The following PCDHGB3 variants were observed in gnomAD, a reference collection of about 807,000 sequenced individuals.
PCDHGB3 encodes protocadherin gamma-B3.
A neutral mutation model predicts 59.2 loss-of-function variants in PCDHGB3; 40 were observed. That is an observed-to-expected ratio of 0.68 (90% CI 0.52 to 0.88). The LOEUF (loss-of-function observed/expected upper bound fraction) is 0.88. PCDHGB3 is among the 40% of genes least tolerant of loss of function. The pLI is 0.00. For missense variants in PCDHGB3, 1,309 were observed against 1,187.9 expected, an observed-to-expected ratio of 1.10 and a Z score of -1.50; for synonymous variants, 581 against 503.6, an observed-to-expected ratio of 1.15 and a Z score of -2.06.
intron 2 of PCDHGB3, among the ~76,000 whole-genome samples, chr5:141,502,124 A>G (rs4912762): frequency 0.55 from 83,213 of 152,012 alleles, 23,486 homozygotes; most frequent in African/African-American, 0.67. Flanking sequence ...CCAGGCCCAC[A>G]GAGCTCAGTC....
At chr5:141,374,238 T>C (rs1770300892) in intron 1 of PCDHGB3, 2 of 1,614,016 alleles carry the variant, frequency 1.2e-6, no homozygotes, top group African/African-American at 1.3e-5. Context: ...GTCAAGGATC[T>C]GGGACTGGAG....
chr5:141,376,794 C>T, intron 1 of PCDHGB3: 1 of 353,104 alleles, frequency 2.8e-6, no homozygotes, highest in East Asian at 6.1e-5. Flanking sequence ...TCACGCCATT[C>T]TCCTGCCTCA....
rs2099624335 is a variant in PCDHGB3 at position 141,486,093 on chromosome 5, C to T, written c.2416-8714C>T. On this transcript the variant is annotated intron_variant, in intron 1 of 3. Coordinates refer to ENST00000576222, the MANE Select transcript of PCDHGB3 (RefSeq NM_018924.5). This position sits in a 1 kb window ranked among gnomAD's most constrained non-coding sequence, Gnocchi z 5.0. ...ACTGGAAAGCTTACTCTTTTGGGGC[C>T]CCTAGACTTTGAGAGTGAGAATTAC... 1 of 1,614,112 alleles carries T rather than the reference C, an allele frequency of 6.2e-7. No homozygotes were observed. The highest frequency in any genetic ancestry group is 8.5e-7 in the Non-Finnish European group (1 of 1,180,008).
intron 1 of PCDHGB3, among the ~76,000 whole-genome samples, chr5:141,463,573 C>T (rs1331124291): frequency 6.6e-6 from 1 of 151,436 alleles, no homozygotes; most frequent in East Asian, 1.9e-4. Flanking sequence ...CTCAGCCTCC[C>T]GAGTAGCTGG....
Position 141,392,253 on chromosome 5 carries a change from T to C in PCDHGB3, c.2415+19444T>C, listed in dbSNP as rs1051019631. ...GTTCTTAGTTATTTGTTAGTATATATTGGAGACATTTACAATAAAGCTTAG... is the reference window on the plus strand; with the variant it reads ...GTTCTTAGTTATTTGTTAGTATATACTGGAGACATTTACAATAAAGCTTAG... On this transcript the variant is annotated intron_variant, in intron 1 of 3. Transcript: ENST00000576222. 3.9e-5 allele frequency: 6 copies of C among 152,218 alleles called. No individual in the cohort carries two copies. The South Asian group carries it at 6.2e-4, about 16-fold the overall frequency. The allele number at this position is 152,218 out of a possible 1,614,324, so 9.4% of individuals were successfully genotyped here. A position where few individuals can be genotyped will look rare whatever the true frequency, so the allele number is the denominator to read the frequency against.
At chr5:141,373,925 G>C (rs1769961983) in intron 1 of PCDHGB3, 11 of 660,560 alleles carry the variant, frequency 1.7e-5, no homozygotes, top group Non-Finnish European at 2.6e-5. Flanking sequence ...CAAATTAGAC[G>C]GGAAAGCAGG....
chr5:141,476,738 C>T lies in PCDHGB3; in HGVS notation c.2416-18069C>T. 6.2e-7 allele frequency: 1 copy of T among 1,614,076 alleles called. No individual in the cohort carries two copies. The highest frequency in any genetic ancestry group is 2.2e-5 in the East Asian group (1 of 44,880). On this transcript the variant is annotated intron_variant, in intron 1 of 3. Transcript: ENST00000576222. This position sits in a 1 kb window ranked among gnomAD's most constrained non-coding sequence, Gnocchi z 7.6. Reference sequence around the variant, plus strand: ...GCGCGCCCTGGACCGAGAACGGGAGCCTAGTCTCCAGTTAGTGCTGACGGC... The same window carrying T: ...GCGCGCCCTGGACCGAGAACGGGAGTCTAGTCTCCAGTTAGTGCTGACGGC...
rs143509166 is a variant in PCDHGB3 at position 141,395,182 on chromosome 5, C to T, written c.2415+22373C>T. On this transcript the variant is annotated intron_variant, in intron 1 of 3. Transcript: ENST00000576222. ...CAGGAGGGCTGTGAGAAAAATGATT[C>T]TTTGTTAACATCCGTAGATTTTCAT... 141 of 1,614,114 alleles carry T rather than the reference C, an allele frequency of 8.7e-5. 2 individuals are homozygous for T. The Middle Eastern group carries it at 1.8e-3, about 21-fold the overall frequency.
intron 1 of PCDHGB3, among the ~76,000 whole-genome samples, chr5:141,461,805 C>T (rs773854105): frequency 4.6e-5 from 7 of 151,854 alleles, no homozygotes; most frequent in Non-Finnish European, 8.8e-5. Flanking sequence ...AGGTGCCCAC[C>T]ACCACACCCA....
At chr5:141,384,312 T>A in intron 1 of PCDHGB3, 1 of 1,613,806 alleles carries the variant, frequency 6.2e-7, no homozygotes. Flanking sequence ...GGGCCTCCAT[T>A]TTCTTAGTGA....
chr5:141,407,355 A>C (rs991392072), intron 1 of PCDHGB3, among the ~76,000 whole-genome samples: 8 of 152,198 alleles, frequency 5.3e-5, no homozygotes, highest in Non-Finnish European at 1.0e-4. Context: ...TTTGGGGAAA[A>C]CATAACAGAT....
Position 141,491,754 on chromosome 5 carries a change from C to T in PCDHGB3, c.2416-3053C>T. ...CCCCTGGGGGCGGCACTGGAGAAGC[C>T]GCCCGTCCTCATAAGGGATTGAACT... On this transcript the variant is annotated intron_variant, in intron 1 of 3. Transcript: ENST00000576222. The surrounding 1 kb of genome is among the most constrained non-coding windows in gnomAD (Gnocchi z 6.9). 5.7e-6 allele frequency: 9 copies of T among 1,582,682 alleles called. No individual in the cohort carries two copies. The highest frequency in any genetic ancestry group is 7.7e-6 in the Non-Finnish European group (9 of 1,165,614).
chr5:141,405,835 A>C (rs2094724459), intron 1 of PCDHGB3, among the ~76,000 whole-genome samples: 1 of 152,178 alleles, frequency 6.6e-6, no homozygotes, highest in African/African-American at 2.4e-5. Flanking sequence ...AGGTAGTATA[A>C]GTTGATATCA....
Position 141,491,687 on chromosome 5 carries a change from G to A in PCDHGB3, c.2416-3120G>A. On this transcript the variant is annotated intron_variant, in intron 1 of 3. Transcript: ENST00000576222. This position sits in a 1 kb window ranked among gnomAD's most constrained non-coding sequence, Gnocchi z 6.9. Reference sequence around the variant, plus strand: ...ATCCGGTCCCGCTCTAATACGCTGCGGGAGCGGAGCCAGGTGAGGGGCTCG... The same window carrying A: ...ATCCGGTCCCGCTCTAATACGCTGCAGGAGCGGAGCCAGGTGAGGGGCTCG... The A allele has an allele frequency of 6.2e-7, 1 of 1,613,072 alleles. No homozygotes were observed. The highest frequency in any genetic ancestry group is 8.5e-7 in the Non-Finnish European group (1 of 1,179,608).
rs553673516 is a variant in PCDHGB3, at chr5:141,476,211, T to C, written c.2416-18596T>C. The C allele has an allele frequency of 5.4e-5, 87 of 1,613,942 alleles. No individual in the cohort carries two copies. The highest frequency in any genetic ancestry group is 7.0e-5 in the Non-Finnish European group (83 of 1,180,000). ...GGTGCCTTGAACAAGGCTTCCACGG[T>C]CATTCACTATGAGATCCCGGAGGAA... On this transcript the variant is annotated intron_variant, in intron 1 of 3. Coordinates refer to ENST00000576222, the MANE Select transcript of PCDHGB3 (RefSeq NM_018924.5). The surrounding 1 kb of genome is among the most constrained non-coding windows in gnomAD (Gnocchi z 7.6).
intron 1 of PCDHGB3, chr5:141,393,678 A>T: frequency 6.2e-7 from 1 of 1,613,904 alleles, no homozygotes; most frequent in Non-Finnish European, 8.5e-7. Context: ...TGAAAAACAA[A>T]CTCCGTTATT....
At chr5:141,421,754 A>G (rs1230343518) in intron 1 of PCDHGB3, 4 of 1,613,918 alleles carry the variant, frequency 2.5e-6, no homozygotes, top group East Asian at 2.2e-5. Context: ...CTCAGCCCTA[A>G]TAATTACTTT....
intron 1 of PCDHGB3, among the ~76,000 whole-genome samples, chr5:141,459,660 T>C (rs73280323): frequency 7.9e-4 from 120 of 152,386 alleles, no homozygotes; most frequent in African/African-American, 2.7e-3. Flanking sequence ...AATATCACTT[T>C]ACATTTTCAT....
chr5:141,395,221 A>G, intron 1 of PCDHGB3: 1 of 1,611,672 alleles, frequency 6.2e-7, no homozygotes, highest in Non-Finnish European at 8.5e-7. Context: ...TATAAGAATG[A>G]AGCTGATCAT....
Sources: gnomAD v4.1 joint callset for allele counts (sites outside exome capture counted in the v4.1 genomes callset) on GRCh38, gnomAD v4.1.1 for gene constraint, Gnocchi (gnomAD v3.1) non-coding constraint, MANE v1.5 for transcripts, NCBI Gene and HGNC (gene_info 2026-07-23, HGNC 2026-07-21) for gene names.